PRTG: variants seen among roughly 807,000 people sequenced by gnomAD.
PRTG encodes protogenin, also known as immunoglobulin superfamily, DCC subclass, member 5.
Under a neutral mutation model 122.5 loss-of-function variants are expected in PRTG, and 67 were observed. The ratio of observed to expected loss-of-function variants is 0.55; its 90% CI spans 0.45 to 0.67. PRTG has a LOEUF of 0.67. Ranked by LOEUF, PRTG falls within the 30% of genes least tolerant of loss-of-function variation. PRTG has a pLI of 0.00. For missense variants in PRTG, 1,435 were observed against 1,415.4 expected (o/e 1.01, Z -0.22); for synonymous variants, 554 against 501.1 (o/e 1.11, Z -1.41).
At chr15:55,702,059 T>C (rs117536025) in intron 2 of PRTG, among the ~76,000 whole-genome samples, 1,601 of 152,278 alleles carry the variant, frequency 0.011, 19 homozygotes, top group East Asian at 0.012. Flanking sequence ...AACTATAGAT[T>C]TGAAAGACAG....
chr15:55,656,226 T>A (rs1205314052), intron 11 of PRTG: 2 of 389,524 alleles, frequency 5.1e-6, no homozygotes, highest in African/African-American at 4.2e-5. Context: ...ACGCTCCACA[T>A]CGTGTCTCCA....
chr15:55,690,062 A>G (rs1326724197), intron 2 of PRTG, among the ~76,000 whole-genome samples: 1 of 152,258 alleles, frequency 6.6e-6, no homozygotes, highest in Non-Finnish European at 1.5e-5. Context: ...AAAGATATAC[A>G]GTATAACTGA....
In PRTG at chr15:55,615,544, T is replaced by C. The variant is rs768950002; in HGVS notation, c.*4468A>G. 1 of 152,082 alleles carries C rather than the reference T, an allele frequency of 6.6e-6. No individual in the cohort carries two copies. Among genetic ancestry groups the C allele is most frequent in the Non-Finnish European group, 1.5e-5 (1 of 67,984 alleles). The allele number at this position is 152,082 out of a possible 1,614,324, so 9.4% of individuals were successfully genotyped here. The stretch of plus-strand genomic sequence containing the variant: ...TAAACATCAATAAAAAAATCACAAT[T>C]AGACAACTGGTTGTATATGGTAGTC... On this transcript the variant is annotated 3_prime_UTR_variant, in exon 20 of 20. Coordinates refer to ENST00000389286, the MANE Select transcript of PRTG (RefSeq NM_173814.6).
At chr15:55,664,145 T>C (rs552224859) in intron 11 of PRTG, among the ~76,000 whole-genome samples, 1 of 152,106 alleles carries the variant, frequency 6.6e-6, no homozygotes, top group South Asian at 2.1e-4. Context: ...GGGAGGTGTT[T>C]TTGTTTTTGT....
In PRTG at chr15:55,627,107, A is replaced by C. The variant is rs758849100; in HGVS notation, c.2828T>G (p.Leu943Arg). The change falls in exon 17 of 20, where the codon CTG becomes CGG. Residue 943 changes from leucine to arginine, a missense_variant. Physicochemically the swap from Leu to Arg is moderately radical, Grantham distance 102. Coordinates refer to ENST00000389286, the MANE Select transcript of PRTG (RefSeq NM_173814.6). ...DAKVYSGYYH[L>R]DQKSMTGIAV... ...AATGCCAGTCATTGATTTTTGGTCC[A>C]GATGGTAATATCCTGAATAAACTAG... 6.2e-7 allele frequency: 1 copy of C among 1,603,780 alleles called. No individual in the cohort carries two copies. The highest frequency in any genetic ancestry group is 1.3e-5 in the African/African-American group (1 of 74,688).
chr15:55,679,695 T>C, intron 6 of PRTG: 1 of 430,210 alleles, frequency 2.3e-6, no homozygotes, highest in Non-Finnish European at 4.1e-6. Context: ...CTATCATCCT[T>C]CTTAACTAAG....
intron 11 of PRTG, among the ~76,000 whole-genome samples, chr15:55,670,897 TCACAAACACA>T (rs1567092113): frequency 2.0e-5 from 2 of 102,028 alleles, no homozygotes; most frequent in African/African-American, 8.6e-5. Context: ...TAAAACTCCG[TCACAAACACA>T]CACACACACA....
chr15:55,740,494 G>A lies in PRTG; in HGVS notation c.285C>T (p.Ile95=). 1 of 1,614,090 alleles carries A rather than the reference G, an allele frequency of 6.2e-7. No homozygotes were observed. The highest frequency in any genetic ancestry group is 8.5e-7 in the Non-Finnish European group (1 of 1,180,006). Reference sequence around the variant, plus strand: ...CTCCTCGCCTGCCTTCCACCTCACTGATGTATAAAGAGCCGTTAGAAAGAA... The same window carrying A: ...CTCCTCGCCTGCCTTCCACCTCACTAATGTATAAAGAGCCGTTAGAAAGAA... ...IEVLSNGSLY[I]SEVEGRRGEQ... Residue 95 remains isoleucine, a synonymous_variant, in exon 2 of 20, where the codon ATC becomes ATT. Transcript: ENST00000389286.
chr15:55,643,927 A>G (rs2059306486), intron 11 of PRTG, among the ~76,000 whole-genome samples: 1 of 151,886 alleles, frequency 6.6e-6, no homozygotes, highest in African/African-American at 2.4e-5. Flanking sequence ...ACAGTGGTGC[A>G]ATCATGGCTC....
intron 2 of PRTG, among the ~76,000 whole-genome samples, chr15:55,698,989 G>A (rs1389476764): frequency 6.6e-6 from 1 of 152,034 alleles, no homozygotes; most frequent in African/African-American, 2.4e-5. Flanking sequence ...CAAAACAAAT[G>A]GTAGCGCTCT....
chr15:55,612,210 T>TA lies in PRTG; in HGVS notation c.*7801dup, dbSNP rs1435435130. ...TAATAATTTTCATTTGCAAACAAAATAGATATCCAGAATGTGATAACAGGA... is the reference window on the plus strand; with the variant it reads ...TAATAATTTTCATTTGCAAACAAAATAAGATATCCAGAATGTGATAACAGGA... On this transcript the variant is annotated 3_prime_UTR_variant, in exon 20 of 20. Transcript: ENST00000389286. 1 of 152,074 alleles carries TA rather than the reference T, an allele frequency of 6.6e-6. No homozygotes were observed. Among genetic ancestry groups the TA allele is most frequent in the African/African-American group, 2.4e-5 (1 of 41,438 alleles). The allele number at this position is 152,074 out of a possible 1,614,324, so 9.4% of individuals were successfully genotyped here.
intron 15 of PRTG, among the ~76,000 whole-genome samples, chr15:55,635,310 T>C (rs1166250566): frequency 6.6e-6 from 1 of 152,156 alleles, no homozygotes; most frequent in Non-Finnish European, 1.5e-5. Flanking sequence ...CAGGCTGGTC[T>C]TGAACTTCTG....
At chr15:55,638,786 C>T (rs188559138) in intron 13 of PRTG, 110 bp from the exon 14 acceptor site, 761 of 861,896 alleles carry the variant, frequency 8.8e-4, no homozygotes, top group Admixed American at 2.2e-3. Context: ...TCATTACCTC[C>T]TTATTTTATA....
intron 16 of PRTG, among the ~76,000 whole-genome samples, chr15:55,628,050 C>T (rs932013626): frequency 3.9e-5 from 6 of 152,134 alleles, no homozygotes; most frequent in African/African-American, 1.2e-4. Flanking sequence ...GCTACGATGG[C>T]TACCTCCTTC....
At chr15:55,661,039 T>C (rs1435994159) in intron 11 of PRTG, among the ~76,000 whole-genome samples, 1 of 152,198 alleles carries the variant, frequency 6.6e-6, no homozygotes, top group East Asian at 1.9e-4. Flanking sequence ...AAAAATTTAA[T>C]TTAACACATA....
chr15:55,638,974 ATT>A (rs2059274017), intron 13 of PRTG, among the ~76,000 whole-genome samples: 2 of 151,908 alleles, frequency 1.3e-5, no homozygotes, highest in Non-Finnish European at 2.9e-5. Context: ...TCATTCATTC[ATT>A]CATTCATTCA....
rs1461190222 is a variant in PRTG, at chr15:55,617,487, T to G, written c.*2525A>C. ...ACTACTTGTGTAAGTTTCATATCTA[T>G]AAATGCTTCTAGTTAATTCAATTTG... On this transcript the variant is annotated 3_prime_UTR_variant, in exon 20 of 20. Coordinates refer to ENST00000389286, the MANE Select transcript of PRTG (RefSeq NM_173814.6). 1 of 152,136 alleles carries G rather than the reference T, an allele frequency of 6.6e-6. No individual in the cohort carries two copies. Among genetic ancestry groups the G allele is most frequent in the Admixed American group, 6.6e-5 (1 of 15,262 alleles). 9.4% of individuals were successfully genotyped at this position (152,136 alleles called of 1,614,324 possible).
At chr15:55,733,829 C>T (rs1316464320) in intron 2 of PRTG, among the ~76,000 whole-genome samples, 1 of 152,040 alleles carries the variant, frequency 6.6e-6, no homozygotes, top group Non-Finnish European at 1.5e-5. Context: ...TCTGACTCAA[C>T]AACAAAAACA....
In PRTG at chr15:55,705,910, C is replaced by T. The variant is rs185501500; in HGVS notation, c.398-21979G>A. Reference sequence around the variant, plus strand: ...TCACTCTGTCACCAGTGCAGTGGCACGGTCTTGGCTCACTGCAACCTCCAC... The same window carrying T: ...TCACTCTGTCACCAGTGCAGTGGCATGGTCTTGGCTCACTGCAACCTCCAC... On this transcript the variant is annotated intron_variant, in intron 2 of 19. Coordinates refer to ENST00000389286, the MANE Select transcript of PRTG (RefSeq NM_173814.6). 2.7e-5 allele frequency among the ~76,000 whole-genome samples: 4 copies of T among 147,226 alleles called. No individual in the cohort carries two copies. The East Asian group carries it at 6.0e-4, about 22-fold the overall frequency.
Sources: gnomAD v4.1 joint callset for allele counts (sites outside exome capture counted in the v4.1 genomes callset) on GRCh38, gnomAD v4.1.1 for gene constraint, MANE v1.5 for transcripts, NCBI Gene and HGNC (gene_info 2026-07-23, HGNC 2026-07-21) for gene names.